Variants in ATL2 observed in about 807,000 individuals in gnomAD.
ATL2 encodes atlastin-2.
A neutral mutation model predicts 73.9 loss-of-function variants in ATL2; 31 were observed. The ratio of observed to expected loss-of-function variants is 0.42; its 90% confidence interval spans 0.32 to 0.57. The LOEUF is 0.57. Among genes scored for constraint, ATL2 ranks in the 20% least tolerant of loss-of-function variants. The pLI is 0.14. For missense variants in ATL2, 738 were observed against 702.6 expected (o/e 1.05, Z -0.57); for synonymous variants, 291 against 237.5 (o/e 1.23, Z -2.07).
At chr2:38,340,381 C>A (rs933869657) in intron 2 of ATL2, among the ~76,000 whole-genome samples, 1 of 151,042 alleles carries the variant, frequency 6.6e-6, no homozygotes, top group African/African-American at 2.4e-5. Flanking sequence ...TAAAGCACAC[C>A]CCTAAATAAG....
intron 2 of ATL2, among the ~76,000 whole-genome samples, chr2:38,319,935 C>T (rs1387140730): frequency 1.3e-5 from 2 of 152,012 alleles, no homozygotes; most frequent in Non-Finnish European, 2.9e-5. Context: ...TGGCGAAACT[C>T]CATCTCTACT....
In ATL2 at chr2:38,318,587, A is replaced by G; in HGVS notation, c.551T>C (p.Ile184Thr). The change falls in exon 4 of 13, where the codon ATC (isoleucine) becomes ACC (threonine). Residue 184 changes from isoleucine to threonine, a missense_variant. By Grantham distance (89) the Ile-to-Thr change is moderately conservative. Coordinates refer to ENST00000378954, the MANE Select transcript of ATL2 (RefSeq NM_001135673.4). Reference protein sequence around the residue: ...TQGAFDSQSTIKDCATVFALS... With the variant: ...TQGAFDSQSTTKDCATVFALS... ...AGCAAACACCGTTGCACAGTCTTTG[A>G]TAGTTGACTGGCTATCAAAGGCACC... 1 of 1,613,030 alleles carries G rather than the reference A, an allele frequency of 6.2e-7. No homozygotes were observed. Among genetic ancestry groups the G allele is most frequent in the Non-Finnish European group, 8.5e-7 (1 of 1,179,792 alleles).
intron 1 of ATL2, among the ~76,000 whole-genome samples, chr2:38,372,405 T>C (rs1671742277): frequency 6.6e-6 from 1 of 152,198 alleles, no homozygotes; most frequent in Admixed American, 6.6e-5. Context: ...TACGGGAGGA[T>C]GCACATAGGT....
chr2:38,335,793 G>A (rs914029871), intron 2 of ATL2, among the ~76,000 whole-genome samples: 2 of 152,150 alleles, frequency 1.3e-5, no homozygotes, highest in South Asian at 2.1e-4. Context: ...TGTAATCCCA[G>A]CACTTTGGGA....
At position 38,360,580 on chromosome 2, in the gene ATL2, G is replaced by T. The variant is rs28369216; in HGVS notation, c.118+16563C>A. 1.6e-3 allele frequency among the ~76,000 whole-genome samples: 236 copies of T among 152,122 alleles called. 3 individuals carry two copies. Among genetic ancestry groups the T allele is most frequent in the African/African-American group, 5.5e-3 (227 of 41,460 alleles). ...TTCCAGGAGTGGGCCACCACACCCAGCCTCGGGGAACTCTATAATCAACAA... is the reference window on the plus strand; with the variant it reads ...TTCCAGGAGTGGGCCACCACACCCATCCTCGGGGAACTCTATAATCAACAA... On this transcript the variant is annotated intron_variant, in intron 1 of 12. Transcript: ENST00000378954.
At chr2:38,373,955 G>T (rs1671825430) in intron 1 of ATL2, among the ~76,000 whole-genome samples, 1 of 152,176 alleles carries the variant, frequency 6.6e-6, no homozygotes, top group Non-Finnish European at 1.5e-5. Flanking sequence ...GCAATGGCAT[G>T]ATCTCGGCTC....
Position 38,315,268 on chromosome 2 carries a change from A to G in ATL2, c.654+16T>C. The G allele has an allele frequency of 3.4e-6, 5 of 1,477,616 alleles. No homozygotes were observed. Among genetic ancestry groups the G allele is most frequent in the Non-Finnish European group, 4.5e-6 (5 of 1,120,960 alleles). The allele number at this position is 1,477,616 out of a possible 1,614,324, so 91.5% of individuals were successfully genotyped here. On this transcript the variant is annotated intron_variant, in intron 5 of 12. Transcript: ENST00000378954. ...CTCCATCTCAAAAAATAAAAATTAAAAAAAGAAATACGTACTTGCAAATGT... is the reference window on the plus strand; with the variant it reads ...CTCCATCTCAAAAAATAAAAATTAAGAAAAGAAATACGTACTTGCAAATGT...
At position 38,367,101 on chromosome 2, in the gene ATL2, C is replaced by G. The variant is rs371976869; in HGVS notation, c.118+10042G>C. ...TCCCAAAGTGCTGGGATTAAAGGCA[C>G]GAGCCACCGCACACAGCCAAGACAT... On this transcript the variant is annotated intron_variant, in intron 1 of 12. Coordinates refer to ENST00000378954, the MANE Select transcript of ATL2 (RefSeq NM_001135673.4). Among the ~76,000 whole-genome samples the G allele has an allele frequency of 4.3e-4, 65 of 151,888 alleles. 3 individuals are homozygous for G. In the South Asian group the frequency reaches 7.5e-3, roughly 18 times the overall value.
At chr2:38,338,525 T>C (rs1361534947) in intron 2 of ATL2, among the ~76,000 whole-genome samples, 2 of 134,268 alleles carry the variant, frequency 1.5e-5, no homozygotes, top group Non-Finnish European at 3.0e-5. Flanking sequence ...CCCACACTGA[T>C]ATAAAGGATG....
chr2:38,368,240 A>G (rs1671460279), intron 1 of ATL2, among the ~76,000 whole-genome samples: 1 of 148,510 alleles, frequency 6.7e-6, no homozygotes, highest in Non-Finnish European at 1.5e-5. Context: ...GGACTCTAAA[A>G]TAAGGACTTT....
chr2:38,325,661 TACACACAC>T (rs562138786), intron 2 of ATL2, among the ~76,000 whole-genome samples: 1,269 of 41,600 alleles, frequency 0.031, 87 homozygotes, highest in East Asian at 0.14. Context: ...CACACACCAG[TACACACAC>T]ACACACACAC....
rs562138786 is a variant in ATL2 at position 38,325,661 on chromosome 2, TACACACACACACACACACACACACAC to T, written c.364-6668_364-6643del. On this transcript the variant is annotated intron_variant, in intron 2 of 12. Transcript: ENST00000378954. ...ACACACACACACACACACACACCAG[TACACACACACACACACACACACACAC>T]ACACACACCAGTACACACACACACA... Among the ~76,000 whole-genome samples the T allele has an allele frequency of 6.0e-4, 25 of 41,696 alleles. 1 individual carries two copies. Among genetic ancestry groups the T allele is most frequent in the Non-Finnish European group, 1.1e-3 (20 of 17,510 alleles). The allele number at this position is 41,696 out of a possible 152,430, so 27.4% of individuals were successfully genotyped here.
At chr2:38,347,512 T>C (rs1202014081) in intron 1 of ATL2, among the ~76,000 whole-genome samples, 1 of 152,202 alleles carries the variant, frequency 6.6e-6, no homozygotes, top group Non-Finnish European at 1.5e-5. Flanking sequence ...CTTAACACTT[T>C]AATGAAACAG....
chr2:38,372,574 G>A (rs1249603960), intron 1 of ATL2, among the ~76,000 whole-genome samples: 1 of 152,112 alleles, frequency 6.6e-6, no homozygotes, highest in Non-Finnish European at 1.5e-5. Flanking sequence ...ATGAAATCCT[G>A]CAATTGAAAT....
At chr2:38,367,270 C>A (rs1299944384) in intron 1 of ATL2, among the ~76,000 whole-genome samples, 1 of 151,738 alleles carries the variant, frequency 6.6e-6, no homozygotes, top group Non-Finnish European at 1.5e-5. Flanking sequence ...GCCCACTCTC[C>A]GACAATAAAA....
chr2:38,355,957 A>G (rs1393048575), intron 1 of ATL2, among the ~76,000 whole-genome samples: 3 of 151,876 alleles, frequency 2.0e-5, no homozygotes, highest in Non-Finnish European at 2.9e-5. Flanking sequence ...TCGCCCTCCC[A>G]AAGTGCTGGG....
rs558266341 is a variant in ATL2, at chr2:38,371,789, T to G, written c.118+5354A>C. Among the ~76,000 whole-genome samples the G allele has an allele frequency of 8.4e-4, 127 of 151,862 alleles. No individual in the cohort carries two copies. In the Middle Eastern group the frequency reaches 0.017, roughly 21 times the overall value. ...GGCACGCGTCTGTAGTCCCAGATAC[T>G]CAGGGGCTGAGGCACAAGAATCGCT... is the stretch of plus-strand genomic sequence containing the variant. On this transcript the variant is annotated intron_variant, in intron 1 of 12. Coordinates refer to ENST00000378954, the MANE Select transcript of ATL2 (RefSeq NM_001135673.4).
intron 9 of ATL2, among the ~76,000 whole-genome samples, chr2:38,303,406 A>G (rs1289712873): frequency 6.6e-6 from 1 of 151,910 alleles, no homozygotes; most frequent in Admixed American, 6.6e-5. Flanking sequence ...AGGTTTCACC[A>G]TGTTGCCCAG....
chr2:38,312,911 G>C (rs2148425794), intron 7 of ATL2, among the ~76,000 whole-genome samples: 1 of 152,172 alleles, frequency 6.6e-6, no homozygotes, highest in African/African-American at 2.4e-5. Flanking sequence ...ACTTCCATGG[G>C]GGGCTACCTT....
Sources: allele counts gnomAD v4.1 joint callset (sites outside exome capture counted in the v4.1 genomes callset), GRCh38; gene constraint gnomAD v4.1.1; transcripts MANE v1.5; gene names NCBI Gene and HGNC (gene_info 2026-07-23, HGNC 2026-07-21).